Variants in CYP46A1 observed in about 807,000 individuals in gnomAD.
The protein encoded by CYP46A1 is cytochrome P450 family 46 subfamily A member 1.
A neutral mutation model predicts 63.3 loss-of-function variants in CYP46A1; 20 were observed. The observed-to-expected ratio is 0.32, with a 90% CI of 0.22 to 0.46. The LOEUF (loss-of-function observed/expected upper bound fraction) is 0.46, where lower values mean the gene tolerates loss of function less well. Ranked by LOEUF, CYP46A1 falls within the 20% of genes least tolerant of loss-of-function variation. CYP46A1 has a pLI of 1.00. For synonymous variants in CYP46A1, 268 were observed against 273.6 expected (o/e 0.98, Z 0.20); for missense variants, 445 against 670.8 (o/e 0.66, Z 3.72).
At chr14:99,724,298 A>G (rs1438473289) in intron 12 of CYP46A1, among the ~76,000 whole-genome samples, 1 of 152,152 alleles carries the variant, frequency 6.6e-6, no homozygotes, top group Non-Finnish European at 1.5e-5. Flanking sequence ...GTGAGGAAGG[A>G]GGAGCCCCAG....
rs200896201 is a variant in CYP46A1 at position 99,719,779 on chromosome 14, T to A, written c.981-1460T>A. ...TTCTTTTCTTTTTTTTTTTTTTTTT[T>A]AAGACAGAGTCTCACTCTGTCGCCC... On this transcript the variant is annotated intron_variant, in intron 10 of 14. Coordinates refer to ENST00000261835, the MANE Select transcript of CYP46A1 (RefSeq NM_006668.2). Among the ~76,000 whole-genome samples the A allele has an allele frequency of 2.8e-3, 260 of 92,952 alleles. 4 individuals are homozygous for A. Among genetic ancestry groups the A allele is most frequent in the African/African-American group, 7.4e-3 (224 of 30,172 alleles). 61.0% of individuals were successfully genotyped at this position (92,952 alleles called of 152,430 possible).
At chr14:99,702,323 G>T (rs530549822) in intron 5 of CYP46A1, among the ~76,000 whole-genome samples, 6 of 152,104 alleles carry the variant, frequency 3.9e-5, no homozygotes, top group African/African-American at 1.4e-4. Context: ...CCATTGTATG[G>T]ATATACCACA....
intron 7 of CYP46A1, chr14:99,710,008 A>C (rs2056715016): frequency 6.6e-6 from 1 of 152,166 alleles, no homozygotes; most frequent in Admixed American, 6.5e-5. Context: ...AAGAGAAATA[A>C]AGTCTGTCCC....
chr14:99,703,801 A>G, intron 5 of CYP46A1: 1 of 982,400 alleles, frequency 1.0e-6, no homozygotes, highest in African/African-American at 1.7e-5. Context: ...CAAGCCCTCC[A>G]GGAATGCCCA....
At chr14:99,720,839 T>C (rs2056839374) in intron 10 of CYP46A1, among the ~76,000 whole-genome samples, 1 of 151,526 alleles carries the variant, frequency 6.6e-6, no homozygotes, top group African/African-American at 2.4e-5. Flanking sequence ...ATCCCAGCAC[T>C]TTGGGAAGCT....
Position 99,727,060 on chromosome 14 carries a change from G to A in CYP46A1, c.*333G>A, listed in dbSNP as rs1255555181. 3.3e-6 allele frequency: 1 copy of A among 300,334 alleles called. No individual in the cohort carries two copies. The highest frequency in any genetic ancestry group is 2.2e-5 in the African/African-American group (1 of 46,314). The allele number at this position is 300,334 out of a possible 1,614,324, so 18.6% of individuals were successfully genotyped here. A position where few individuals can be genotyped will look rare whatever the true frequency, so the allele number is the denominator to read the frequency against. ...CCTCTTCAGGGGTCACCTCCTCCAAGAAGCCCTCCTTGCCACCCCCCGCCG... is the reference window on the plus strand; with the variant it reads ...CCTCTTCAGGGGTCACCTCCTCCAAAAAGCCCTCCTTGCCACCCCCCGCCG... On this transcript the variant is annotated 3_prime_UTR_variant, in exon 15 of 15. Coordinates refer to ENST00000261835, the MANE Select transcript of CYP46A1 (RefSeq NM_006668.2).
At chr14:99,723,465 C>T (rs1400522869) in intron 12 of CYP46A1, among the ~76,000 whole-genome samples, 4 of 152,292 alleles carry the variant, frequency 2.6e-5, no homozygotes, top group South Asian at 2.1e-4. Flanking sequence ...CACACCCCCA[C>T]GCCTGGCTAA....
At chr14:99,724,931 TCCCAC>T (rs1052911423) in intron 12 of CYP46A1, among the ~76,000 whole-genome samples, 55 of 152,154 alleles carry the variant, frequency 3.6e-4, no homozygotes, top group African/African-American at 1.1e-3. Flanking sequence ...GTTCCTCCAC[TCCCAC>T]CCCTGCTGAA....
intron 1 of CYP46A1, among the ~76,000 whole-genome samples, chr14:99,685,882 C>T (rs985520707): frequency 6.6e-6 from 1 of 152,098 alleles, no homozygotes; most frequent in South Asian, 2.1e-4. Context: ...CTTCCCCCAG[C>T]CTTCCAGGTT....
chr14:99,691,296 C>A, intron 2 of CYP46A1, 135 bp downstream of exon 2: 1 of 849,900 alleles, frequency 1.2e-6, no homozygotes, highest in Non-Finnish European at 1.9e-6. Context: ...CAGTTCCTCC[C>A]CTGAGTGGAG....
intron 5 of CYP46A1, among the ~76,000 whole-genome samples, chr14:99,703,083 C>T (rs2056645827): frequency 6.6e-6 from 1 of 152,158 alleles, no homozygotes; most frequent in East Asian, 1.9e-4. Flanking sequence ...TGTCTCTCTG[C>T]ACTGTTAGAC....
intron 1 of CYP46A1, among the ~76,000 whole-genome samples, chr14:99,685,094 C>A (rs1470330362): frequency 2.4e-5 from 1 of 41,190 alleles, no homozygotes; most frequent in Non-Finnish European, 6.1e-5. Flanking sequence ...GCCAACCCCC[C>A]CCCACCCCCA....
rs143228623 is a variant in CYP46A1, at chr14:99,720,850, G to A, written c.981-389G>A. On this transcript the variant is annotated intron_variant, in intron 10 of 14. Transcript: ENST00000261835. Reference sequence around the variant, plus strand: ...TGTAATCCCAGCACTTTGGGAAGCTGAGGCGGGCAGATCACCTGGGGGTCA... The same window carrying A: ...TGTAATCCCAGCACTTTGGGAAGCTAAGGCGGGCAGATCACCTGGGGGTCA... 8.7e-3 allele frequency among the ~76,000 whole-genome samples: 1,317 copies of A among 152,214 alleles called. 18 individuals are homozygous for A. Among genetic ancestry groups the A allele is most frequent in the African/African-American group, 0.03 (1,230 of 41,534 alleles).
intron 3 of CYP46A1, among the ~76,000 whole-genome samples, chr14:99,697,328 C>T (rs539994061): frequency 6.6e-6 from 1 of 152,282 alleles, no homozygotes; most frequent in South Asian, 2.1e-4. Flanking sequence ...ATAGCTTCTC[C>T]CTGGTACTTT....
In CYP46A1 at chr14:99,727,103, G is replaced by A. The variant is rs2056911264; in HGVS notation, c.*376G>A. On this transcript the variant is annotated 3_prime_UTR_variant, in exon 15 of 15. Transcript: ENST00000261835. ...CCCCGCCGGCAGGGGCCCCTCCTCT[G>A]TGCTCCCTCGGTCACCTGTGCTACC... 4 of 225,404 alleles carry A rather than the reference G, an allele frequency of 1.8e-5. No individual in the cohort carries two copies. The highest frequency in any genetic ancestry group is 4.5e-5 in the African/African-American group (2 of 44,074). The allele number at this position is 225,404 out of a possible 1,614,324, so 14.0% of individuals were successfully genotyped here.
Position 99,726,969 on chromosome 14 carries a change from C to T in CYP46A1, c.*242C>T. On this transcript the variant is annotated 3_prime_UTR_variant, in exon 15 of 15. Transcript: ENST00000261835. ...TCCCAGCCACCACCACTGTCCCTAC[C>T]ACTGAGCCCTTGCACAGGCCACTTG... is the stretch of plus-strand genomic sequence containing the variant. 2.4e-6 allele frequency: 1 copy of T among 414,312 alleles called. No individual in the cohort carries two copies. The highest frequency in any genetic ancestry group is 4.2e-6 in the Non-Finnish European group (1 of 235,716). 25.7% of individuals were successfully genotyped at this position (414,312 alleles called of 1,614,324 possible). A position where few individuals can be genotyped will look rare whatever the true frequency, so the allele number is the denominator to read the frequency against.
At chr14:99,706,573 G>C in intron 5 of CYP46A1, 74 bp from the exon 6 acceptor site, 1 of 1,568,896 alleles carries the variant, frequency 6.4e-7, no homozygotes, top group South Asian at 1.2e-5. Context: ...TCCTCTCTGT[G>C]GAGAGGGAGG....
At chr14:99,701,056 A>G (rs2056626684) in intron 5 of CYP46A1, among the ~76,000 whole-genome samples, 1 of 152,266 alleles carries the variant, frequency 6.6e-6, no homozygotes, top group African/African-American at 2.4e-5. Flanking sequence ...GAATAAGGAT[A>G]CAAATAAGAT....
intron 5 of CYP46A1, among the ~76,000 whole-genome samples, chr14:99,700,339 G>C (rs2056621031): frequency 6.6e-6 from 1 of 152,194 alleles, no homozygotes; most frequent in African/African-American, 2.4e-5. Context: ...ATCAAGGGCT[G>C]AGTGCCCACG....
Sources: gnomAD v4.1 joint callset for allele counts (sites outside exome capture counted in the v4.1 genomes callset) on GRCh38, gnomAD v4.1.1 for gene constraint, MANE v1.5 for transcripts, NCBI Gene and HGNC (gene_info 2026-07-23, HGNC 2026-07-21) for gene names.